Variants in RAD54L observed in about 807,000 individuals in gnomAD.
The protein encoded by RAD54L is DNA repair and recombination protein RAD54-like.
RAD54L carries 74 observed loss-of-function variants against 91.6 expected under a neutral mutation model. The ratio of observed to expected loss-of-function variants is 0.81; its 90% CI spans 0.67 to 0.98. The LOEUF (loss-of-function observed/expected upper bound fraction) is 0.98. Ranked by LOEUF, RAD54L falls within the 50% of genes least tolerant of loss-of-function variation. RAD54L has a pLI of 0.00. For missense variants in RAD54L, 887 were observed against 945.7 expected (o/e 0.94, Z 0.81); for synonymous variants, 304 against 349.7 (o/e 0.87, Z 1.46).
At chr1:46,256,651 C>A (rs978441577) in intron 3 of RAD54L, among the ~76,000 whole-genome samples, 5 of 150,308 alleles carry the variant, frequency 3.3e-5, no homozygotes, top group Admixed American at 6.6e-5. Context: ...AAAAAAAAGT[C>A]AATAAAAGAT....
chr1:46,272,362 CTGTAAAAGA>C, intron 10 of RAD54L, 95 bp from the exon 11 acceptor site: 4 of 1,047,004 alleles, frequency 3.8e-6, no homozygotes, highest in Non-Finnish European at 6.0e-6. Flanking sequence ...ACATTTAATA[CTGTAAAAGA>C]GGGCTAGTCT....
At chr1:46,249,895 A>G in intron 2 of RAD54L, 105 bp from the exon 3 acceptor site, 1 of 1,289,146 alleles carries the variant, frequency 7.8e-7, no homozygotes, top group Non-Finnish European at 1.1e-6. Flanking sequence ...TGTGTGAAGA[A>G]TTTAGCACAG....
rs397814771 is a variant in RAD54L at position 46,275,967 on chromosome 1, A to AT, written c.1869+1258dup. Among the ~76,000 whole-genome samples the AT allele has an allele frequency of 6.8e-3, 1,024 of 150,092 alleles. 6 individuals carry two copies. The highest frequency in any genetic ancestry group is 0.011 in the Non-Finnish European group (742 of 67,438). Reference sequence around the variant, plus strand: ...GGATCCCGTCTTAAAAAAAAAAAAAATTTTTTTTCTCGTCTTTGGAAACTC... The same window carrying AT: ...GGATCCCGTCTTAAAAAAAAAAAAAATTTTTTTTTCTCGTCTTTGGAAACTC... On this transcript the variant is annotated intron_variant, in intron 16 of 17. Transcript: ENST00000371975.
At chr1:46,253,277 T>G (rs927681201) in intron 3 of RAD54L, among the ~76,000 whole-genome samples, 1 of 152,214 alleles carries the variant, frequency 6.6e-6, no homozygotes, top group Non-Finnish European at 1.5e-5. Context: ...CTGAAACATT[T>G]TGACTTGTAT....
At position 46,248,340 on chromosome 1, in the gene RAD54L, T is replaced by G. The variant is rs1242051992; in HGVS notation, c.-66T>G. Reference sequence around the variant, plus strand: ...CAGATTAGACCCTGGTCCTACACTCTTAGCCGCTGCCTGCTTTTGACCTTT... The same window carrying G: ...CAGATTAGACCCTGGTCCTACACTCGTAGCCGCTGCCTGCTTTTGACCTTT... On this transcript the variant is annotated 5_prime_UTR_variant, in exon 1 of 18. Coordinates refer to ENST00000371975, the MANE Select transcript of RAD54L (RefSeq NM_003579.4). 6.2e-7 allele frequency: 1 copy of G among 1,603,416 alleles called. No individual in the cohort carries two copies. Among genetic ancestry groups the G allele is most frequent in the Non-Finnish European group, 8.5e-7 (1 of 1,172,724 alleles).
At chr1:46,252,841 C>A (rs1659838474) in intron 3 of RAD54L, among the ~76,000 whole-genome samples, 2 of 152,092 alleles carry the variant, frequency 1.3e-5, no homozygotes, top group African/African-American at 4.8e-5. Context: ...GAGGCTGAGG[C>A]AGGAGGATCA....
intron 2 of RAD54L, 123 bp downstream of exon 2, chr1:46,248,721 TAGTG>T: frequency 1.2e-6 from 1 of 822,156 alleles, no homozygotes; most frequent in South Asian, 1.4e-5. Context: ...AATAAACTTT[TAGTG>T]AGTACTTACT....
intron 8 of RAD54L, among the ~76,000 whole-genome samples, chr1:46,262,463 T>C (rs1250558354): frequency 1.3e-5 from 2 of 151,896 alleles, no homozygotes; most frequent in Non-Finnish European, 2.9e-5. Flanking sequence ...CATGACCCTT[T>C]CTCAAAAAAC....
Position 46,250,063 on chromosome 1 carries a change from C to T in RAD54L, c.154C>T (p.Arg52Trp), listed in dbSNP as rs530382665. 1.4e-5 allele frequency: 22 copies of T among 1,614,034 alleles called. No homozygotes were observed. The highest frequency in any genetic ancestry group is 1.6e-4 in the Middle Eastern group (1 of 6,084). ...CCAGGAGTGTTTCCTGTCTCCTTTT[C>T]GGAAACCTTTGAGTCAGCTAACCAA... Reference protein sequence around the residue: ...QIQECFLSPFRKPLSQLTNQP... With the variant: ...QIQECFLSPFWKPLSQLTNQP... Residue 52 changes from arginine (R) to tryptophan (W), a missense_variant, in exon 3 of 18, where the codon CGG becomes TGG. Transcript: ENST00000371975.
chr1:46,270,826 C>T (rs1049408571), intron 10 of RAD54L, 41 bp downstream of exon 10: 1 of 1,609,434 alleles, frequency 6.2e-7, no homozygotes. Flanking sequence ...GCCTCCCAAA[C>T]CATCCATGGC....
In RAD54L at chr1:46,272,669, T is replaced by C. The variant is rs1346921737; in HGVS notation, c.1245-3T>C. 2 of 1,614,166 alleles carry C rather than the reference T, an allele frequency of 1.2e-6. No individual in the cohort carries two copies. The highest frequency in any genetic ancestry group is 1.7e-6 in the Non-Finnish European group (2 of 1,180,020). On this transcript the variant is annotated splice_region_variant and splice_polypyrimidine_tract_variant and intron_variant, in intron 11 of 17. Coordinates refer to ENST00000371975, the MANE Select transcript of RAD54L (RefSeq NM_003579.4). ...TTTCCACTGACCCAGCTGCCTTTTTTAGGCTGACACCCCTTCAGACTGAGT... is the reference window on the plus strand; with the variant it reads ...TTTCCACTGACCCAGCTGCCTTTTTCAGGCTGACACCCCTTCAGACTGAGT...
intron 3 of RAD54L, among the ~76,000 whole-genome samples, chr1:46,258,097 C>T (rs555056094): frequency 3.0e-4 from 45 of 151,986 alleles, no homozygotes; most frequent in African/African-American, 7.2e-4. Context: ...AGGCTGGTCT[C>T]GAACTCCCAG....
In RAD54L at chr1:46,274,586, C is replaced by T; in HGVS notation, c.1738C>T (p.Leu580Phe). 1 of 1,613,654 alleles carries T rather than the reference C, an allele frequency of 6.2e-7. No homozygotes were observed. The highest frequency in any genetic ancestry group is 1.1e-5 in the South Asian group (1 of 91,052). Residue 580 changes from leucine (L) to phenylalanine (F), a missense_variant, in exon 16 of 18, where the codon CTC (leucine) becomes TTC (phenylalanine). By Grantham distance (22) the Leu-to-Phe change is conservative. Coordinates refer to ENST00000371975, the MANE Select transcript of RAD54L (RefSeq NM_003579.4). ...GAGCAGCAAAGCTGGGGGCTGTGGC[C>T]TCAATCTCATTGGGGCTAACCGGCT... ...MLSSKAGGCG[L>F]NLIGANRLVM...
chr1:46,258,721 C>G lies in RAD54L; in HGVS notation c.246C>G (p.Phe82Leu), dbSNP rs1176799900. 6.2e-7 allele frequency: 1 copy of G among 1,607,324 alleles called. No individual in the cohort carries two copies. Reference sequence around the variant, plus strand: ...TTCGAAGCATTTTGTCAAAGCCTTTCAAAGTCCCCATTCCAAATTATCAAG... The same window carrying G: ...TTCGAAGCATTTTGTCAAAGCCTTTGAAAGTCCCCATTCCAAATTATCAAG... ...AFIRSILSKPFKVPIPNYQGP... is the reference protein window; with the variant it reads ...AFIRSILSKPLKVPIPNYQGP... The change falls in exon 4 of 18, where the codon TTC (phenylalanine) becomes TTG (leucine). Residue 82 changes from phenylalanine to leucine, a missense_variant. By Grantham distance (22) the Phe-to-Leu change is conservative. Coordinates refer to ENST00000371975, the MANE Select transcript of RAD54L (RefSeq NM_003579.4).
chr1:46,249,759 C>G (rs925195143), intron 2 of RAD54L, among the ~76,000 whole-genome samples: 1 of 152,190 alleles, frequency 6.6e-6, no homozygotes, highest in African/African-American at 2.4e-5. Context: ...TTTTATTTAC[C>G]TCTTCCATTG....
Position 46,277,895 on chromosome 1 carries a change from C to G in RAD54L, c.1948C>G (p.Gln650Glu), listed in dbSNP as rs1319279387. ...GAGCAGCTGTGTGGTGGATGAGGAGCAGGATGTAGAGCGCCACTTCTCTCT... is the reference window on the plus strand; with the variant it reads ...GAGCAGCTGTGTGGTGGATGAGGAGGAGGATGTAGAGCGCCACTTCTCTCT... ...ALSSCVVDEE[Q>E]DVERHFSLGE... Residue 650 changes from glutamine (Q) to glutamate (E), a missense_variant, in exon 17 of 18, where the codon CAG becomes GAG. Physicochemically the swap from Gln to Glu is conservative, Grantham distance 29. Coordinates refer to ENST00000371975, the MANE Select transcript of RAD54L (RefSeq NM_003579.4). 1.2e-6 allele frequency: 2 copies of G among 1,614,054 alleles called. No individual in the cohort carries two copies. The highest frequency in any genetic ancestry group is 1.7e-6 in the Non-Finnish European group (2 of 1,180,014).
At chr1:46,264,379 C>T (rs1199384934) in intron 8 of RAD54L, among the ~76,000 whole-genome samples, 1 of 152,194 alleles carries the variant, frequency 6.6e-6, no homozygotes, top group East Asian at 1.9e-4. Context: ...GCTCCCACAG[C>T]ATCTTCCTCC....
chr1:46,251,584 A>G (rs761768104), intron 3 of RAD54L, among the ~76,000 whole-genome samples: 4 of 152,026 alleles, frequency 2.6e-5, no homozygotes, highest in Non-Finnish European at 4.4e-5. Context: ...AATCACTAAT[A>G]CATTGTTTAA....
intron 3 of RAD54L, among the ~76,000 whole-genome samples, chr1:46,257,424 C>G (rs1416480514): frequency 6.6e-6 from 1 of 152,184 alleles, no homozygotes; most frequent in Non-Finnish European, 1.5e-5. Context: ...CACAGGCTAT[C>G]ACAGTTCCGC....
Sources: allele counts gnomAD v4.1 joint callset (sites outside exome capture counted in the v4.1 genomes callset), GRCh38; gene constraint gnomAD v4.1.1; transcripts MANE v1.5; gene names NCBI Gene and HGNC (gene_info 2026-07-23, HGNC 2026-07-21).